The following TMEM131 variants were observed in gnomAD, a reference collection of about 807,000 sequenced individuals.
TMEM131 encodes the protein transmembrane protein 131.
Under a neutral mutation model 211.6 loss-of-function variants are expected in TMEM131, and 66 were observed. The observed-to-expected ratio is 0.31, with a 90% confidence interval of 0.26 to 0.38. TMEM131 has a LOEUF of 0.38. Among genes scored for constraint, TMEM131 ranks in the 10% least tolerant of loss-of-function variants. The probability of loss-of-function intolerance (pLI) is 1.00; values close to 1 mark genes in which losing one functional copy is unlikely to be tolerated. For synonymous variants in TMEM131, 844 were observed against 841.3 expected, an observed-to-expected ratio of 1.00 and a Z score of -0.06; for missense variants, 2,036 against 2,299.3, an observed-to-expected ratio of 0.89 and a Z score of 2.34.
chr2:97,804,848 G>A (rs943171416), intron 22 of TMEM131, among the ~76,000 whole-genome samples: 2 of 152,098 alleles, frequency 1.3e-5, no homozygotes, highest in Non-Finnish European at 2.9e-5. Flanking sequence ...ATATTTTCTT[G>A]GAGTGTAAGA....
intron 4 of TMEM131, among the ~76,000 whole-genome samples, chr2:97,868,226 C>G (rs142945728): frequency 3.3e-5 from 5 of 152,216 alleles, no homozygotes; most frequent in Admixed American, 6.5e-5. Flanking sequence ...TTAACACAGC[C>G]CTTTCACGGT....
chr2:97,822,144 G>T (rs1046688267), intron 11 of TMEM131, among the ~76,000 whole-genome samples: 2 of 152,132 alleles, frequency 1.3e-5, no homozygotes, highest in Non-Finnish European at 2.9e-5. Context: ...TGTCTCTGAT[G>T]CCTTTCTAGT....
intron 1 of TMEM131, among the ~76,000 whole-genome samples, chr2:97,962,193 A>G (rs1678847068): frequency 6.6e-6 from 1 of 152,134 alleles, no homozygotes; most frequent in African/African-American, 2.4e-5. Context: ...ATTTACTCTC[A>G]AAAAACGCTG....
chr2:97,980,735 GACTA>G (rs150752084), intron 1 of TMEM131, among the ~76,000 whole-genome samples: 3,993 of 152,110 alleles, frequency 0.026, 167 homozygotes, highest in African/African-American at 0.089. Context: ...CAACATTAGA[GACTA>G]ACTATCAAGA....
intron 12 of TMEM131, among the ~76,000 whole-genome samples, chr2:97,817,665 C>T (rs1256132269): frequency 6.6e-6 from 1 of 152,176 alleles, no homozygotes; most frequent in African/African-American, 2.4e-5. Flanking sequence ...ACAGGATGAA[C>T]CCTGAGGCCA....
intron 24 of TMEM131, 22 bp from the exon 25 acceptor site, chr2:97,801,983 T>C (rs1173712654): frequency 1.3e-6 from 2 of 1,530,594 alleles, no homozygotes; most frequent in South Asian, 2.3e-5. Context: ...AATGTACACA[T>C]ATTTATTCAT....
chr2:97,879,139 T>C (rs1674815808), intron 4 of TMEM131, among the ~76,000 whole-genome samples: 1 of 152,206 alleles, frequency 6.6e-6, no homozygotes, highest in South Asian at 2.1e-4. Context: ...GGGAAAGGCT[T>C]GCTTTACAAC....
At chr2:97,849,004 C>G (rs1352020088) in intron 5 of TMEM131, among the ~76,000 whole-genome samples, 3 of 152,114 alleles carry the variant, frequency 2.0e-5, no homozygotes, top group African/African-American at 7.2e-5. Flanking sequence ...AGGCAAAGAA[C>G]TGAACAGACA....
chr2:97,985,820 T>C (rs967334117), intron 1 of TMEM131, among the ~76,000 whole-genome samples: 1 of 152,076 alleles, frequency 6.6e-6, no homozygotes, highest in South Asian at 2.1e-4. Flanking sequence ...GACAAACAGA[T>C]TCTCTACCTG....
chr2:97,841,504 AAGC>A (rs1305253755), intron 7 of TMEM131, among the ~76,000 whole-genome samples: 2 of 152,216 alleles, frequency 1.3e-5, no homozygotes, highest in African/African-American at 4.8e-5. Flanking sequence ...GCAAGAAAAA[AAGC>A]AGCCTTGTGT....
Position 97,758,974 on chromosome 2 carries a change from A to G in TMEM131, c.5286T>C (p.Pro1762=). The G allele has an allele frequency of 6.2e-7, 1 of 1,614,052 alleles. No homozygotes were observed. The stretch of plus-strand genomic sequence containing the variant: ...TCGCTGGCGACTCCCAAAGGTATGA[A>G]GGGCCACTATTAAACTCGTTCCAGC... ...QRSWNEFNSG[P]SYLWESPATD... Residue 1762 remains proline (P), a synonymous_variant, in exon 40 of 41, where the codon CCT becomes CCC. Coordinates refer to ENST00000186436, the MANE Select transcript of TMEM131 (RefSeq NM_015348.2).
intron 3 of TMEM131, among the ~76,000 whole-genome samples, chr2:97,907,681 C>A (rs1179910478): frequency 6.6e-6 from 1 of 152,162 alleles, no homozygotes; most frequent in African/African-American, 2.4e-5. Flanking sequence ...GCCTTGCTGT[C>A]ATTTAAGGAA....
chr2:97,901,279 A>C (rs1675841727), intron 3 of TMEM131, among the ~76,000 whole-genome samples: 1 of 152,164 alleles, frequency 6.6e-6, no homozygotes, highest in African/African-American at 2.4e-5. Context: ...TTAGCCCTAA[A>C]ATCTTAGCCT....
At chr2:97,837,220 T>A in intron 7 of TMEM131, 63 bp from the exon 8 acceptor site, 1 of 1,205,734 alleles carries the variant, frequency 8.3e-7, no homozygotes, top group Non-Finnish European at 1.2e-6. Context: ...GGTGACTTGC[T>A]ATTACACAGA....
intron 1 of TMEM131, among the ~76,000 whole-genome samples, chr2:97,951,894 C>T (rs1229091599): frequency 6.6e-6 from 1 of 152,142 alleles, no homozygotes; most frequent in Non-Finnish European, 1.5e-5. Flanking sequence ...CGCAGTGGCT[C>T]ACACCTGTAA....
intron 19 of TMEM131, among the ~76,000 whole-genome samples, chr2:97,805,957 C>T (rs976659152): frequency 5.3e-5 from 8 of 152,114 alleles, no homozygotes; most frequent in Non-Finnish European, 1.0e-4. Context: ...AACTGATTGA[C>T]GTTAACATTC....
intron 25 of TMEM131, among the ~76,000 whole-genome samples, chr2:97,801,402 T>G (rs1418392356): frequency 6.6e-6 from 1 of 152,240 alleles, no homozygotes; most frequent in Non-Finnish European, 1.5e-5. Flanking sequence ...ACAAACCAGT[T>G]TATGTATATG....
At chr2:97,895,038 A>G (rs1424529228) in intron 3 of TMEM131, among the ~76,000 whole-genome samples, 2 of 152,186 alleles carry the variant, frequency 1.3e-5, no homozygotes, top group Non-Finnish European at 2.9e-5. Context: ...AGTTTGAGAT[A>G]TGTTCCATCA....
In TMEM131 at chr2:97,907,611, C is replaced by T. The variant is rs549177707; in HGVS notation, c.290+1047G>A. ...GTGGGGACACCTTCTGTTGCCATAG[C>T]CACTTTGGTAGCTAAGTGTCTGATT... On this transcript the variant is annotated intron_variant, in intron 3 of 40. Transcript: ENST00000186436. Among the ~76,000 whole-genome samples, 8 of 152,244 alleles carry T rather than the reference C, an allele frequency of 5.3e-5. No individual in the cohort carries two copies. The East Asian group carries it at 1.5e-3, about 29-fold the overall frequency.
Sources: allele counts gnomAD v4.1 joint callset (sites outside exome capture counted in the v4.1 genomes callset), GRCh38; gene constraint gnomAD v4.1.1; transcripts MANE v1.5; gene names NCBI Gene and HGNC (gene_info 2026-07-23, HGNC 2026-07-21).